Variants in CHRAC1 observed in about 807,000 individuals in gnomAD.
The protein encoded by CHRAC1 is chromatin accessibility complex protein 1.
Under a neutral mutation model 9.1 loss-of-function variants are expected in CHRAC1, and 6 were observed. That is an observed-to-expected ratio of 0.66 (90% CI 0.36 to 1.29). The LOEUF (loss-of-function observed/expected upper bound fraction) is 1.29, where lower values mean the gene tolerates loss of function less well. Ranked by LOEUF, CHRAC1 falls within the 50% of genes most tolerant of loss-of-function variation. The pLI is 0.03. For missense variants in CHRAC1, 168 were observed against 163.5 expected (o/e 1.03, Z -0.15); for synonymous variants, 73 against 64.5 (o/e 1.13, Z -0.63).
Position 140,515,322 on chromosome 8 carries a change from A to C in CHRAC1, c.*75A>C. The C allele has an allele frequency of 6.8e-7, 1 of 1,475,268 alleles. No homozygotes were observed. Among genetic ancestry groups the C allele is most frequent in the African/African-American group, 1.4e-5 (1 of 70,982 alleles). 91.4% of individuals were successfully genotyped at this position (1,475,268 alleles called of 1,614,324 possible). On this transcript the variant is annotated 3_prime_UTR_variant, in exon 3 of 3. Coordinates refer to ENST00000220913, the MANE Select transcript of CHRAC1 (RefSeq NM_017444.6). ...TCCACTGTCTCTAAGTAAACACAGC[A>C]CTGCCCGCTTTTAGCGTCTTCACTT...
In CHRAC1 at chr8:140,515,957, C is replaced by CAAA. The variant is rs2072331476; in HGVS notation, c.*710_*711insAAA. 1 of 152,088 alleles carries CAAA rather than the reference C, an allele frequency of 6.6e-6. No homozygotes were observed. Among genetic ancestry groups the CAAA allele is most frequent in the Non-Finnish European group, 1.5e-5 (1 of 68,026 alleles). The allele number at this position is 152,088 out of a possible 1,614,324, so 9.4% of individuals were successfully genotyped here. ...AATCAAATACAAAAATAAGTCTTAC[C>CAAA]TCTTGTATAAGCATGTTGTACTAAA... On this transcript the variant is annotated 3_prime_UTR_variant, in exon 3 of 3. Transcript: ENST00000220913.
intron 1 of CHRAC1, among the ~76,000 whole-genome samples, chr8:140,513,962 C>T (rs1055785393): frequency 7.1e-6 from 1 of 139,948 alleles, no homozygotes; most frequent in Non-Finnish European, 1.5e-5. Flanking sequence ...GCTTGATCAC[C>T]CAGGCCAGAG....
At position 140,513,140 on chromosome 8, in the gene CHRAC1, C is replaced by CT. The variant is rs2072297975; in HGVS notation, c.148-1228dup. 1.3e-5 allele frequency among the ~76,000 whole-genome samples: 2 copies of CT among 152,092 alleles called. 1 individual carries two copies. Among genetic ancestry groups the CT allele is most frequent in the South Asian group, 4.1e-4 (2 of 4,820 alleles). ...TCTTTCTCATCCCTTATTAACTGAA[C>CT]TAGATGCATTAAAGTCAAAACCTTG... is the stretch of plus-strand genomic sequence containing the variant. On this transcript the variant is annotated intron_variant, in intron 1 of 2. Transcript: ENST00000220913.
chr8:140,512,085 C>T (rs1246231371), intron 1 of CHRAC1: 4 of 1,190,990 alleles, frequency 3.4e-6, no homozygotes, highest in South Asian at 2.6e-5. Flanking sequence ...CTCACGTCCT[C>T]CCTCGCGTGC....
rs1588416190 is a variant in CHRAC1 at position 140,511,511 on chromosome 8, G to A, written c.12G>A (p.Val4=). 7.4e-7 allele frequency: 1 copy of A among 1,350,734 alleles called. No individual in the cohort carries two copies. The highest frequency in any genetic ancestry group is 1.5e-5 in the African/African-American group (1 of 65,596). 83.7% of individuals were successfully genotyped at this position (1,350,734 alleles called of 1,614,324 possible). Residue 4 remains valine, a synonymous_variant, in exon 1 of 3, where the codon GTG becomes GTA. Coordinates refer to ENST00000220913, the MANE Select transcript of CHRAC1 (RefSeq NM_017444.6). ...CGACGGGCGGGAAGATGGCGGACGT[G>A]GTCGTGGGTAAAGACAAGGGCGGGG... MAD[V]VVGKDKGGEQ...
chr8:140,514,579 C>A, intron 2 of CHRAC1, 84 bp downstream of exon 2: 3 of 1,220,098 alleles, frequency 2.5e-6, no homozygotes, highest in Non-Finnish European at 3.3e-6. Context: ...CTTCTGCTCT[C>A]ACGGAAAATT....
intron 1 of CHRAC1, 55 bp downstream of exon 1, chr8:140,511,701 C>T (rs2072276824): frequency 1.0e-5 from 13 of 1,277,728 alleles, no homozygotes; most frequent in Non-Finnish European, 1.2e-5. Flanking sequence ...CCCCGCCCCG[C>T]CGGGCTCTGG....
chr8:140,515,088 C>G, intron 2 of CHRAC1, 38 bp from the exon 3 acceptor site: 7 of 1,599,036 alleles, frequency 4.4e-6, no homozygotes, highest in Non-Finnish European at 4.3e-6. Flanking sequence ...TCATAGTCTA[C>G]CATAACCAAT....
At chr8:140,515,029 T>C (rs534688167) in intron 2 of CHRAC1, 97 bp from the exon 3 acceptor site, 23 of 1,179,830 alleles carry the variant, frequency 1.9e-5, no homozygotes, top group South Asian at 5.8e-5. Context: ...GAACCTCTTA[T>C]AGAGGTCAAA....
In CHRAC1 at chr8:140,511,381, A is replaced by T; in HGVS notation, c.-119A>T. The T allele has an allele frequency of 1.1e-6, 1 of 948,422 alleles. No homozygotes were observed. The highest frequency in any genetic ancestry group is 1.7e-5 in the African/African-American group (1 of 58,364). The allele number at this position is 948,422 out of a possible 1,614,324, so 58.8% of individuals were successfully genotyped here. A position where few individuals can be genotyped will look rare whatever the true frequency, so the allele number is the denominator to read the frequency against. Reference sequence around the variant, plus strand: ...CCCGGCCTCGCGGCCTCGCCTCCCCACACTACAACTCCCACGGGGCAGCGG... The same window carrying T: ...CCCGGCCTCGCGGCCTCGCCTCCCCTCACTACAACTCCCACGGGGCAGCGG... On this transcript the variant is annotated 5_prime_UTR_variant, in exon 1 of 3. Coordinates refer to ENST00000220913, the MANE Select transcript of CHRAC1 (RefSeq NM_017444.6).
At chr8:140,514,808 C>A in intron 2 of CHRAC1, 1 of 362,004 alleles carries the variant, frequency 2.8e-6, no homozygotes, top group Non-Finnish European at 5.0e-6. Flanking sequence ...CAGGGTGGGT[C>A]TACATGGCCG....
chr8:140,514,884 C>T, intron 2 of CHRAC1: 1 of 418,356 alleles, frequency 2.4e-6, no homozygotes, highest in East Asian at 4.6e-5. Context: ...CAGGGTTGCT[C>T]ATAAAAGCAG....
intron 1 of CHRAC1, chr8:140,512,083 C>G: frequency 8.3e-7 from 1 of 1,202,542 alleles, no homozygotes; most frequent in Non-Finnish European, 1.1e-6. Context: ...CGCTCACGTC[C>G]TCCCTCGCGT....
At chr8:140,513,352 TA>T (rs1323347987) in intron 1 of CHRAC1, among the ~76,000 whole-genome samples, 1 of 152,254 alleles carries the variant, frequency 6.6e-6, no homozygotes, top group African/African-American at 2.4e-5. Flanking sequence ...TGAACCACCT[TA>T]GAAACAGTGT....
chr8:140,511,336 AGTTTCCCGGACGGGCC>A lies in CHRAC1; in HGVS notation c.-162_-147del. 2.1e-6 allele frequency: 1 copy of A among 481,822 alleles called. No homozygotes were observed. The allele number at this position is 481,822 out of a possible 1,614,324, so 29.8% of individuals were successfully genotyped here. On this transcript the variant is annotated 5_prime_UTR_variant, in exon 1 of 3. Coordinates refer to ENST00000220913, the MANE Select transcript of CHRAC1 (RefSeq NM_017444.6). ...GGGCGCGAGGCCTCACGGAGCTCGTAGTTTCCCGGACGGGCCGCTCCCGGCCTCGCGGCCTCGCCTC... is the reference window on the plus strand; with the variant it reads ...GGGCGCGAGGCCTCACGGAGCTCGTAGCTCCCGGCCTCGCGGCCTCGCCTC...
At chr8:140,513,087 G>A (rs769343566) in intron 1 of CHRAC1, among the ~76,000 whole-genome samples, 2 of 152,220 alleles carry the variant, frequency 1.3e-5, no homozygotes, top group Non-Finnish European at 2.9e-5. Flanking sequence ...CAAAGTGCTG[G>A]GATTACAGGC....
intron 1 of CHRAC1, among the ~76,000 whole-genome samples, chr8:140,513,041 C>T (rs1032626628): frequency 6.6e-6 from 1 of 152,226 alleles, no homozygotes; most frequent in African/African-American, 2.4e-5. Context: ...TGGTCTTGAA[C>T]TCCTGACCTC....
At position 140,516,676 on chromosome 8, in the gene CHRAC1, TTAAAA is replaced by T. The variant is rs1275177031; in HGVS notation, c.*1437_*1441del. 2 of 152,188 alleles carry T rather than the reference TTAAAA, an allele frequency of 1.3e-5. No homozygotes were observed. Among genetic ancestry groups the T allele is most frequent in the African/African-American group, 2.4e-5 (1 of 41,444 alleles). 9.4% of individuals were successfully genotyped at this position (152,188 alleles called of 1,614,324 possible). ...TCCCTCTTGTTCATTGACATTTATT[TTAAAA>T]TAAAATATTTTAAAATCTACTTTTT... On this transcript the variant is annotated 3_prime_UTR_variant, in exon 3 of 3. Coordinates refer to ENST00000220913, the MANE Select transcript of CHRAC1 (RefSeq NM_017444.6).
chr8:140,513,458 C>T (rs911452748), intron 1 of CHRAC1, among the ~76,000 whole-genome samples: 4 of 151,430 alleles, frequency 2.6e-5, no homozygotes, highest in South Asian at 2.1e-4. Flanking sequence ...TTTTTTGAGA[C>T]GGAGTCTCGC....
Sources: gnomAD v4.1 joint callset for allele counts (sites outside exome capture counted in the v4.1 genomes callset) on GRCh38, gnomAD v4.1.1 for gene constraint, MANE v1.5 for transcripts, NCBI Gene and HGNC (gene_info 2026-07-23, HGNC 2026-07-21) for gene names.